XPR1: variants seen among roughly 807,000 people sequenced by gnomAD.
XPR1 encodes xenotropic and polytropic retrovirus receptor 1, also known as solute carrier family 53 member 1.
Under a neutral mutation model 87.5 loss-of-function variants are expected in XPR1, and 28 were observed. That is an observed-to-expected ratio of 0.32 (90% CI 0.24 to 0.44). The LOEUF is 0.44. XPR1 is among the 20% of genes least tolerant of loss of function. The pLI is 1.00. For synonymous variants in XPR1, 300 were observed against 306.1 expected (o/e 0.98, Z 0.21); for missense variants, 559 against 862.3 (o/e 0.65, Z 4.41).
intron 1 of XPR1, 113 bp from the exon 2 acceptor site, chr1:180,682,247 T>G: frequency 3.1e-6 from 2 of 654,628 alleles, no homozygotes; most frequent in Non-Finnish European, 4.9e-6. Flanking sequence ...ATTTATCAAT[T>G]TAGGGAGCTA....
chr1:180,866,811 ATTTTT>A (rs71121055), intron 12 of XPR1, among the ~76,000 whole-genome samples: 2 of 141,076 alleles, frequency 1.4e-5, no homozygotes, highest in African/African-American at 5.3e-5. Flanking sequence ...TTTTTTTTTA[ATTTTT>A]TTTTTTTTAT....
At chr1:180,659,414 T>C (rs1655681453) in intron 1 of XPR1, among the ~76,000 whole-genome samples, 1 of 122,694 alleles carries the variant, frequency 8.2e-6, no homozygotes, top group Non-Finnish European at 1.7e-5. Context: ...CTTCCTTCCT[T>C]CCTTCCTTCC....
At chr1:180,741,564 C>T (rs1470822924) in intron 2 of XPR1, among the ~76,000 whole-genome samples, 1 of 152,146 alleles carries the variant, frequency 6.6e-6, no homozygotes, top group Non-Finnish European at 1.5e-5. Flanking sequence ...TGACTCACTG[C>T]AACCTCCGCC....
chr1:180,767,994 G>A (rs1031557876), intron 2 of XPR1, among the ~76,000 whole-genome samples: 3 of 151,930 alleles, frequency 2.0e-5, no homozygotes, highest in South Asian at 2.1e-4. Context: ...ACAGGCGCCC[G>A]CCACCATTCC....
intron 11 of XPR1, among the ~76,000 whole-genome samples, chr1:180,860,016 A>C (rs1292497110): frequency 2.0e-5 from 3 of 152,114 alleles, no homozygotes; most frequent in Admixed American, 2.0e-4. Flanking sequence ...AATAATAATA[A>C]GACAAGAAAT....
At chr1:180,861,158 C>G (rs1652207567) in intron 11 of XPR1, among the ~76,000 whole-genome samples, 1 of 152,010 alleles carries the variant, frequency 6.6e-6, no homozygotes, top group African/African-American at 2.4e-5. Flanking sequence ...TTCTCATGTC[C>G]TTTTACTAGC....
At chr1:180,655,645 C>T (rs978373493) in intron 1 of XPR1, among the ~76,000 whole-genome samples, 4 of 151,904 alleles carry the variant, frequency 2.6e-5, no homozygotes, top group Admixed American at 6.6e-5. Flanking sequence ...GTTGCCTATG[C>T]CTTTGGTGTC....
intron 11 of XPR1, among the ~76,000 whole-genome samples, chr1:180,848,541 A>G (rs1651765519): frequency 6.6e-6 from 1 of 151,986 alleles, no homozygotes; most frequent in South Asian, 2.1e-4. Context: ...TATACACCAC[A>G]TTTTCTTTAT....
intron 10 of XPR1, among the ~76,000 whole-genome samples, chr1:180,836,010 C>G (rs1225155409): frequency 3.3e-5 from 5 of 152,132 alleles, no homozygotes; most frequent in Non-Finnish European, 5.9e-5. Flanking sequence ...AATTTCCCCA[C>G]TAGTTCCCCC....
At chr1:180,731,716 T>C (rs1489428332) in intron 2 of XPR1, among the ~76,000 whole-genome samples, 1 of 152,228 alleles carries the variant, frequency 6.6e-6, no homozygotes, top group East Asian at 1.9e-4. Context: ...ATAATCAATA[T>C]AAAAATTATC....
At chr1:180,714,484 A>T (rs1023453978) in intron 2 of XPR1, among the ~76,000 whole-genome samples, 4 of 150,528 alleles carry the variant, frequency 2.7e-5, no homozygotes, top group African/African-American at 9.8e-5. Flanking sequence ...AGCACGCTGT[A>T]ACCTCAACCT....
At chr1:180,836,375 C>G (rs1053339775) in intron 10 of XPR1, 147 bp from the exon 11 acceptor site, 9 of 830,054 alleles carry the variant, frequency 1.1e-5, no homozygotes, top group Admixed American at 2.9e-5. Flanking sequence ...AAAAGAAAAT[C>G]TTGAGAATAT....
At chr1:180,744,895 C>T (rs1659037776) in intron 2 of XPR1, among the ~76,000 whole-genome samples, 1 of 151,952 alleles carries the variant, frequency 6.6e-6, no homozygotes, top group Admixed American at 6.6e-5. Context: ...TCATGATCCA[C>T]CTTCCTTGGC....
intron 2 of XPR1, among the ~76,000 whole-genome samples, chr1:180,777,175 C>T (rs1423638889): frequency 6.6e-6 from 1 of 152,124 alleles, no homozygotes; most frequent in Non-Finnish European, 1.5e-5. Context: ...ACTGATTTTA[C>T]CTCCAGAATA....
At chr1:180,641,755 A>G (rs1654969057) in intron 1 of XPR1, among the ~76,000 whole-genome samples, 1 of 152,172 alleles carries the variant, frequency 6.6e-6, no homozygotes, top group Non-Finnish European at 1.5e-5. Flanking sequence ...TGTTTTACAA[A>G]TGAATAAATT....
At chr1:180,716,135 G>A (rs1233682017) in intron 2 of XPR1, among the ~76,000 whole-genome samples, 2 of 151,904 alleles carry the variant, frequency 1.3e-5, no homozygotes, top group Non-Finnish European at 2.9e-5. Flanking sequence ...AGTTTTGGGG[G>A]GTTTTTTGTT....
intron 2 of XPR1, among the ~76,000 whole-genome samples, chr1:180,748,871 C>G (rs1385682944): frequency 6.6e-6 from 1 of 152,120 alleles, no homozygotes; most frequent in African/African-American, 2.4e-5. Context: ...ATGCAAATCA[C>G]AGTTTGATTT....
intron 1 of XPR1, among the ~76,000 whole-genome samples, chr1:180,657,232 C>T (rs1208950866): frequency 6.6e-6 from 1 of 151,732 alleles, no homozygotes; most frequent in Non-Finnish European, 1.5e-5. Context: ...TATTTTTTCC[C>T]ATTCTGTGGG....
chr1:180,881,537 T>A (rs1266678696), intron 14 of XPR1, among the ~76,000 whole-genome samples: 1 of 152,170 alleles, frequency 6.6e-6, no homozygotes, highest in Non-Finnish European at 1.5e-5. Flanking sequence ...AATAGCACTG[T>A]GTAAGATATA....
Sources: allele counts gnomAD v4.1 joint callset (sites outside exome capture counted in the v4.1 genomes callset), GRCh38; gene constraint gnomAD v4.1.1; transcripts MANE v1.5; gene names NCBI Gene and HGNC (gene_info 2026-07-23, HGNC 2026-07-21).